Variants in DOCK1 observed in about 807,000 individuals in gnomAD.
The protein encoded by DOCK1 is dedicator of cytokinesis 1, also known as dedicator of cytokinesis protein 1.
In DOCK1, 138 loss-of-function variants were observed where a neutral mutation model predicts 262.7. The ratio of observed to expected loss-of-function variants is 0.53; its 90% CI spans 0.46 to 0.61. The LOEUF is 0.61. Ranked by LOEUF, DOCK1 falls within the 20% of genes least tolerant of loss-of-function variation. The pLI is 0.00. For missense variants in DOCK1, 1,908 were observed against 2,370.7 expected (o/e 0.80, Z 4.05); for synonymous variants, 866 against 867.4 (o/e 1.00, Z 0.03).
intron 33 of DOCK1, among the ~76,000 whole-genome samples, chr10:127,366,696 G>A (rs905543063): frequency 5.3e-5 from 8 of 152,278 alleles, no homozygotes; most frequent in Admixed American, 3.3e-4. Flanking sequence ...TGTGTAGAGT[G>A]GACATGTGTG....
chr10:127,361,170 C>G lies in DOCK1; in HGVS notation c.3284-894C>G, dbSNP rs564861316. 6.6e-3 allele frequency among the ~76,000 whole-genome samples: 893 copies of G among 134,396 alleles called. 10 individuals are homozygous for G. Among genetic ancestry groups the G allele is most frequent in the African/African-American group, 0.022 (772 of 34,672 alleles). The allele number at this position is 134,396 out of a possible 152,430, so 88.2% of individuals were successfully genotyped here. On this transcript the variant is annotated intron_variant, in intron 32 of 51. Transcript: ENST00000623213. ...GCTCTGTCGCCCAGGCTGGAGTGCA[C>G]TGGCGTGATCTTGGCTCACTGCGAC...
intron 27 of DOCK1, among the ~76,000 whole-genome samples, chr10:127,149,504 G>T (rs1176972371): frequency 6.6e-6 from 1 of 152,150 alleles, no homozygotes; most frequent in Non-Finnish European, 1.5e-5. Flanking sequence ...CAGGCCTGTG[G>T]TGCTAAAGCC....
chr10:127,435,656 G>A (rs552891415), intron 48 of DOCK1, among the ~76,000 whole-genome samples: 89 of 152,138 alleles, frequency 5.8e-4, no homozygotes, highest in Non-Finnish European at 1.2e-3. Flanking sequence ...GAAATTAATG[G>A]AGAGGTTTTA....
chr10:127,341,621 A>G (rs1015854753), intron 30 of DOCK1, among the ~76,000 whole-genome samples: 2 of 152,224 alleles, frequency 1.3e-5, no homozygotes, highest in Admixed American at 1.3e-4. Flanking sequence ...CTTGCTGGGT[A>G]GATTCCCGTG....
At chr10:127,389,812 G>A (rs2134181051) in intron 38 of DOCK1, among the ~76,000 whole-genome samples, 1 of 152,206 alleles carries the variant, frequency 6.6e-6, no homozygotes, top group East Asian at 1.9e-4. Context: ...TCAGGAGTTT[G>A]AGACCAGCCT....
intron 28 of DOCK1, among the ~76,000 whole-genome samples, chr10:127,256,505 C>A (rs1366099433): frequency 6.6e-6 from 1 of 152,118 alleles, no homozygotes; most frequent in Non-Finnish European, 1.5e-5. Flanking sequence ...GAGCTTGGGG[C>A]TACCAGGGAT....
chr10:126,979,135 T>C (rs2038762742), intron 3 of DOCK1, among the ~76,000 whole-genome samples: 1 of 152,128 alleles, frequency 6.6e-6, no homozygotes, highest in African/African-American at 2.4e-5. Flanking sequence ...AGCCTTGAAG[T>C]TTGCACAAGA....
chr10:126,965,127 A>G (rs2037565549), intron 1 of DOCK1, among the ~76,000 whole-genome samples: 1 of 152,244 alleles, frequency 6.6e-6, no homozygotes, highest in East Asian at 1.9e-4. Context: ...GTGGGGTGGC[A>G]CAGAGTGTAC....
Position 127,012,293 on chromosome 10 carries a change from A to G in DOCK1, c.1120A>G (p.Arg374Gly), listed in dbSNP as rs199865782. Residue 374 changes from arginine (R) to glycine (G), a missense_variant, in exon 12 of 52, where the codon AGG (arginine) becomes GGG (glycine). By Grantham distance (125) the Arg-to-Gly change is moderately radical (BLOSUM62 -2). This residue lies in a region of DOCK1 where 57 missense variants were observed against 39.7 expected (regional missense o/e 1.44). Coordinates refer to ENST00000623213, the MANE Select transcript of DOCK1 (RefSeq NM_001290223.2). The surrounding 1 kb of genome is among the most constrained non-coding windows in gnomAD (Gnocchi z 4.0). ...PLNMSSRFSPRVAGENDFLQT... is the reference protein window; with the variant it reads ...PLNMSSRFSPGVAGENDFLQT... ...GAACATGTCATCCCGTTTTTCACCC[A>G]GGGTGGCAGGGGAGAATGACTTCCT... is the stretch of plus-strand genomic sequence containing the variant. 1.9e-6 allele frequency: 3 copies of G among 1,613,900 alleles called. No individual in the cohort carries two copies. The highest frequency in any genetic ancestry group is 2.5e-6 in the Non-Finnish European group (3 of 1,179,890).
intron 48 of DOCK1, 29 bp downstream of exon 48, chr10:127,433,457 T>TGAGCA: frequency 3.1e-6 from 5 of 1,610,626 alleles, no homozygotes; most frequent in Non-Finnish European, 4.2e-6. Context: ...AGGGCTGAGC[T>TGAGCA]GAGCAGTGAG....
At chr10:127,363,426 G>A (rs770395130) in intron 33 of DOCK1, among the ~76,000 whole-genome samples, 16 of 152,148 alleles carry the variant, frequency 1.1e-4, no homozygotes, top group Middle Eastern at 6.8e-3. Flanking sequence ...CTGTGATCAC[G>A]CCACTGCACT....
intron 33 of DOCK1, among the ~76,000 whole-genome samples, chr10:127,370,307 C>G (rs557286037): frequency 9.9e-5 from 15 of 152,234 alleles, no homozygotes; most frequent in Admixed American, 7.2e-4. Flanking sequence ...CAGATCATGT[C>G]CATAGATTTC....
rs1229907822 is a variant in DOCK1, at chr10:127,196,054, G to C, written c.2848-51954G>C. ...GCAGCGCCTGGCTCGGGCATGTCTC[G>C]CTGCGGACCCTGGCAAGCCTGGGGC... On this transcript the variant is annotated intron_variant, in intron 27 of 51. Transcript: ENST00000623213. 3 of 152,200 alleles carry C rather than the reference G, an allele frequency of 2.0e-5. No individual in the cohort carries two copies. The East Asian group carries it at 5.9e-4, about 30-fold the overall frequency. The allele number at this position is 152,200 out of a possible 1,614,324, so 9.4% of individuals were successfully genotyped here.
intron 1 of DOCK1, among the ~76,000 whole-genome samples, chr10:126,965,511 T>C (rs997196526): frequency 1.4e-3 from 210 of 152,138 alleles, no homozygotes; most frequent in Non-Finnish European, 2.5e-3. Flanking sequence ...CGAGGGGTGA[T>C]GAAGTCTTGG....
chr10:127,190,276 C>A (rs918254710), intron 27 of DOCK1, among the ~76,000 whole-genome samples: 2 of 152,186 alleles, frequency 1.3e-5, no homozygotes, highest in African/African-American at 4.8e-5. Flanking sequence ...CACTGCATGG[C>A]CAGACGTCAG....
chr10:126,961,813 G>A (rs1216110753), intron 1 of DOCK1, among the ~76,000 whole-genome samples: 1 of 152,134 alleles, frequency 6.6e-6, no homozygotes, highest in Non-Finnish European at 1.5e-5. Context: ...ACATGGATGT[G>A]CAAATATCTA....
intron 27 of DOCK1, among the ~76,000 whole-genome samples, chr10:127,237,942 G>A (rs1053586692): frequency 3.9e-5 from 6 of 152,104 alleles, no homozygotes; most frequent in African/African-American, 1.2e-4. Flanking sequence ...TTAAACACAC[G>A]TACCCACCTA....
chr10:127,366,169 C>A (rs1461129811), intron 33 of DOCK1, among the ~76,000 whole-genome samples: 2 of 151,932 alleles, frequency 1.3e-5, no homozygotes, highest in African/African-American at 4.8e-5. Flanking sequence ...TCTGTGTTGT[C>A]ATCTGCTTGA....
chr10:126,918,520 C>A (rs1219742609), intron 1 of DOCK1, among the ~76,000 whole-genome samples: 1 of 152,202 alleles, frequency 6.6e-6, no homozygotes, highest in African/African-American at 2.4e-5. Flanking sequence ...AATTTTTCAC[C>A]CTGGGGAGCT....
Sources: gnomAD v4.1 joint callset for allele counts (sites outside exome capture counted in the v4.1 genomes callset) on GRCh38, gnomAD v4.1.1 for gene constraint, gnomAD v4.1.1 regional missense constraint, Gnocchi (gnomAD v3.1) non-coding constraint, MANE v1.5 for transcripts, NCBI Gene and HGNC (gene_info 2026-07-23, HGNC 2026-07-21) for gene names.